SREK1: variants seen among roughly 807,000 people sequenced by gnomAD.
SREK1 encodes the protein splicing regulatory glutamine/lysine-rich protein 1.
Under a neutral mutation model 66.5 loss-of-function variants are expected in SREK1, and 13 were observed. The ratio of observed to expected loss-of-function variants is 0.20; its 90% CI spans 0.13 to 0.31. SREK1 has a LOEUF of 0.31. SREK1 is among the 10% of genes least tolerant of loss of function. The probability of loss-of-function intolerance (pLI) is 1.00; values close to 1 mark genes in which losing one functional copy is unlikely to be tolerated. For missense variants in SREK1, 607 were observed against 769.6 expected (o/e 0.79, Z 2.50); for synonymous variants, 265 against 263.5 (o/e 1.01, Z -0.05).
intron 1 of SREK1, among the ~76,000 whole-genome samples, chr5:66,146,201 G>A (rs1255128730): frequency 6.6e-6 from 1 of 152,082 alleles, no homozygotes; most frequent in Non-Finnish European, 1.5e-5. Context: ...ATTGTTTGGG[G>A]GAGTGCCGTA....
chr5:66,157,389 G>A lies in SREK1; in HGVS notation c.296-1830G>A, dbSNP rs947900123. On this transcript the variant is annotated intron_variant, in intron 2 of 11. Coordinates refer to ENST00000334121, the MANE Select transcript of SREK1 (RefSeq NM_001077199.3). ...AAAGGACAAGTAATATTAAATTTGG[G>A]ACATTACTAGATTAGAACTCTGAGT... 3.1e-6 allele frequency: 3 copies of A among 982,994 alleles called. No homozygotes were observed. The African/African-American group carries it at 5.3e-5, about 17-fold the overall frequency. 60.9% of individuals were successfully genotyped at this position (982,994 alleles called of 1,614,324 possible).
chr5:66,169,275 A>G (rs1028175306), intron 7 of SREK1: 2 of 152,212 alleles, frequency 1.3e-5, no homozygotes, highest in Non-Finnish European at 2.9e-5. Context: ...TTCTTTTCAT[A>G]CAGGTTGAGA....
At position 66,147,393 on chromosome 5, in the gene SREK1, T is replaced by G. The variant is rs538616965; in HGVS notation, c.161+2856T>G. Among the ~76,000 whole-genome samples, 4 of 152,310 alleles carry G rather than the reference T, an allele frequency of 2.6e-5. No individual in the cohort carries two copies. In the East Asian group the frequency reaches 7.7e-4, roughly 29 times the overall value. ...ATTTTTCATTGAGGTTTAATGTACCTACAGAGAAGTGCACAGGTCGTAAGC... is the reference window on the plus strand; with the variant it reads ...ATTTTTCATTGAGGTTTAATGTACCGACAGAGAAGTGCACAGGTCGTAAGC... On this transcript the variant is annotated intron_variant, in intron 1 of 11. Coordinates refer to ENST00000334121, the MANE Select transcript of SREK1 (RefSeq NM_001077199.3).
At chr5:66,153,961 A>G (rs1744069158) in intron 2 of SREK1, among the ~76,000 whole-genome samples, 1 of 152,234 alleles carries the variant, frequency 6.6e-6, no homozygotes, top group South Asian at 2.1e-4. Flanking sequence ...TTACAAATGA[A>G]AATAGTGTAC....
At chr5:66,145,228 A>G (rs955005819) in intron 1 of SREK1, 4 of 947,260 alleles carry the variant, frequency 4.2e-6, no homozygotes, top group Middle Eastern at 5.3e-4. Flanking sequence ...TTTAAAGTCC[A>G]GATCTTGGCT....
At position 66,164,834 on chromosome 5, in the gene SREK1, G is replaced by A. The variant is rs534903269; in HGVS notation, c.938G>A (p.Arg313His). 3.1e-6 allele frequency: 5 copies of A among 1,613,948 alleles called. No homozygotes were observed. Among genetic ancestry groups the A allele is most frequent in the South Asian group, 1.1e-5 (1 of 91,068 alleles). Residue 313 changes from arginine (R) to histidine (H), a missense_variant, in exon 7 of 12, where the codon CGC becomes CAC. Coordinates refer to ENST00000334121, the MANE Select transcript of SREK1 (RefSeq NM_001077199.3). ...RKGGRSRSHT[R>H]SKSRSSSKSH... is the part of the protein sequence containing the mutation. ...GGCGGTCGATCTCGTTCCCATACTC[G>A]CTCAAAATCCAGGTCTAGCTCAAAA...
chr5:66,159,689 A>G (rs116458755), intron 3 of SREK1, among the ~76,000 whole-genome samples: 59 of 152,296 alleles, frequency 3.9e-4, no homozygotes, highest in Admixed American at 2.0e-3. Context: ...ATGATCCACA[A>G]CTTTGGTAAT....
intron 11 of SREK1, 59 bp from the exon 12 acceptor site, chr5:66,178,660 G>C (rs186080809): frequency 4.2e-6 from 6 of 1,434,812 alleles, no homozygotes; most frequent in African/African-American, 1.4e-5. Flanking sequence ...CATTTTTGTC[G>C]TCATAGCAGG....
intron 8 of SREK1, 39 bp downstream of exon 8, chr5:66,170,209 CAG>C: frequency 1.3e-6 from 2 of 1,590,986 alleles, no homozygotes; most frequent in South Asian, 2.3e-5. Context: ...TTTTTTTCCT[CAG>C]AGTTCTGTTA....
intron 1 of SREK1, among the ~76,000 whole-genome samples, chr5:66,147,774 A>G (rs984747236): frequency 5.3e-5 from 8 of 152,214 alleles, no homozygotes; most frequent in African/African-American, 1.7e-4. Context: ...ATTTCCCTGT[A>G]GTCCTTTTCA....
Position 66,144,466 on chromosome 5 carries a change from G to C in SREK1, c.90G>C (p.Val30=). 6.4e-7 allele frequency: 1 copy of C among 1,552,752 alleles called. No individual in the cohort carries two copies. Among genetic ancestry groups the C allele is most frequent in the Non-Finnish European group, 8.7e-7 (1 of 1,147,572 alleles). Residue 30 remains valine, a synonymous_variant, in exon 1 of 12, where the codon GTG becomes GTC. Transcript: ENST00000334121. ...VIQVTNLSSA[V]TSEQMRTLFS... ...AGGTGACGAATCTGTCGTCGGCGGTGACCAGCGAGCAGATGCGGACGCTTT... is the reference window on the plus strand; with the variant it reads ...AGGTGACGAATCTGTCGTCGGCGGTCACCAGCGAGCAGATGCGGACGCTTT...
chr5:66,144,618 C>T, intron 1 of SREK1, 81 bp downstream of exon 1: 1 of 1,465,096 alleles, frequency 6.8e-7, no homozygotes, highest in South Asian at 1.4e-5. Flanking sequence ...AGAGCGCGGA[C>T]GCGGGCGCGC....
rs1746492909 is a variant in SREK1 at position 66,181,609 on chromosome 5, A to C, written c.*2741A>C. The C allele has an allele frequency of 1.3e-5, 2 of 152,188 alleles. No individual in the cohort carries two copies. The highest frequency in any genetic ancestry group is 4.8e-5 in the African/African-American group (2 of 41,454). The allele number at this position is 152,188 out of a possible 1,614,324, so 9.4% of individuals were successfully genotyped here. On this transcript the variant is annotated 3_prime_UTR_variant, in exon 12 of 12. Coordinates refer to ENST00000334121, the MANE Select transcript of SREK1 (RefSeq NM_001077199.3). ...AGACAAATTCTGTTGCCTTTCAGCA[A>C]CGTATGCTGAACTAGTATCATAAGA...
chr5:66,181,448 G>C lies in SREK1; in HGVS notation c.*2580G>C, dbSNP rs1746480471. The C allele has an allele frequency of 6.6e-6, 1 of 152,102 alleles. No individual in the cohort carries two copies. The highest frequency in any genetic ancestry group is 2.4e-5 in the African/African-American group (1 of 41,414). The allele number at this position is 152,102 out of a possible 1,614,324, so 9.4% of individuals were successfully genotyped here. On this transcript the variant is annotated 3_prime_UTR_variant, in exon 12 of 12. Coordinates refer to ENST00000334121, the MANE Select transcript of SREK1 (RefSeq NM_001077199.3). ...GACTTCTTTTTTTAAATCCCAGGTA[G>C]ATGTTGTCAGATAAACTTGAGGTAA...
Position 66,160,550 on chromosome 5 carries a change from T to G in SREK1, c.411+1216T>G, listed in dbSNP as rs143787272. Reference sequence around the variant, plus strand: ...AGTGTTTGAGATTGGAGGGGATAGATAGGACACAGATTATGGTAGGGCTTT... The same window carrying G: ...AGTGTTTGAGATTGGAGGGGATAGAGAGGACACAGATTATGGTAGGGCTTT... On this transcript the variant is annotated intron_variant, in intron 3 of 11. Coordinates refer to ENST00000334121, the MANE Select transcript of SREK1 (RefSeq NM_001077199.3). 3.5e-3 allele frequency among the ~76,000 whole-genome samples: 526 copies of G among 152,258 alleles called. 1 individual carries two copies. The highest frequency in any genetic ancestry group is 6.0e-3 in the Non-Finnish European group (411 of 68,012).
At position 66,170,737 on chromosome 5, in the gene SREK1, G is replaced by A. The variant is rs188664232; in HGVS notation, c.1274G>A (p.Arg425Gln). The A allele has an allele frequency of 4.4e-6, 7 of 1,600,446 alleles. No individual in the cohort carries two copies. The highest frequency in any genetic ancestry group is 4.5e-5 in the East Asian group (2 of 44,290). The change falls in exon 9 of 12, where the codon CGG becomes CAG. Residue 425 changes from arginine (R) to glutamine (Q), a missense_variant. Transcript: ENST00000334121. ...CGGGACAAGGAACGGGAAAAGGACC[G>A]GGAAAAAGACAAGGAAAAGGACAGA... is the stretch of plus-strand genomic sequence containing the variant. ...KDRDKEREKD[R>Q]EKDKEKDRER...
At position 66,164,842 on chromosome 5, in the gene SREK1, T is replaced by A. The variant is rs1403564376; in HGVS notation, c.946T>A (p.Ser316Thr). The change falls in exon 7 of 12, where the codon TCC becomes ACC. Residue 316 changes from serine (S) to threonine (T), a missense_variant. Coordinates refer to ENST00000334121, the MANE Select transcript of SREK1 (RefSeq NM_001077199.3). ...ATCTCGTTCCCATACTCGCTCAAAA[T>A]CCAGGTCTAGCTCAAAATCCCATTC... ...GRSRSHTRSK[S>T]RSSSKSHSRR... 6.2e-7 allele frequency: 1 copy of A among 1,613,912 alleles called. No homozygotes were observed. Among genetic ancestry groups the A allele is most frequent in the Non-Finnish European group, 8.5e-7 (1 of 1,179,918 alleles).
At chr5:66,160,007 G>A (rs555430604) in intron 3 of SREK1, among the ~76,000 whole-genome samples, 121 of 152,276 alleles carry the variant, frequency 7.9e-4, no homozygotes, top group African/African-American at 2.8e-3. Flanking sequence ...GCGGGTGCCC[G>A]TAGTCCCAGC....
chr5:66,151,705 A>G (rs1318593746), intron 1 of SREK1, among the ~76,000 whole-genome samples: 2 of 152,180 alleles, frequency 1.3e-5, no homozygotes, highest in East Asian at 3.9e-4. Flanking sequence ...AGTTAACCTC[A>G]GTGTCAGTAC....
Sources: gnomAD v4.1 joint callset for allele counts (sites outside exome capture counted in the v4.1 genomes callset) on GRCh38, gnomAD v4.1.1 for gene constraint, MANE v1.5 for transcripts, NCBI Gene and HGNC (gene_info 2026-07-23, HGNC 2026-07-21) for gene names.